CCDC7: variants seen among roughly 807,000 people sequenced by gnomAD.
CCDC7 encodes coiled-coil domain-containing protein 7.
A neutral mutation model predicts 196.9 loss-of-function variants in CCDC7; 183 were observed. That is an observed-to-expected ratio of 0.93 (90% CI 0.82 to 1.05). The LOEUF is 1.05. Among genes scored for constraint, CCDC7 ranks in the 50% least tolerant of loss-of-function variants. The pLI, the probability that CCDC7 is intolerant of heterozygous loss-of-function variation, is 0.00. For missense variants in CCDC7, 1,540 were observed against 1,482.2 expected (o/e 1.04, Z -0.64); for synonymous variants, 525 against 484.6 (o/e 1.08, Z -1.10).
At chr10:32,805,054 G>A (rs368045904) in exon 30 of CCDC7, 13 of 1,612,148 alleles carry the variant, frequency 8.1e-6, no homozygotes, top group Middle Eastern at 1.7e-4. Context: ...TTGGGAAGAC[G>A]CTTATTAAAT....
intron 20 of CCDC7, among the ~76,000 whole-genome samples, chr10:32,652,845 A>G (rs1370294291): frequency 6.6e-6 from 1 of 152,192 alleles, no homozygotes; most frequent in Non-Finnish European, 1.5e-5. Context: ...TACCACAGTT[A>G]CAGTATTAGA....
At position 32,592,401 on chromosome 10, in the gene CCDC7, GTTTT is replaced by G. The variant is rs1564759237; in HGVS notation, c.1801+8101_1801+8104del. Among the ~76,000 whole-genome samples, 4 of 151,610 alleles carry G rather than the reference GTTTT, an allele frequency of 2.6e-5. No homozygotes were observed. In the South Asian group the frequency reaches 8.4e-4, roughly 32 times the overall value. ...TTGGATTTAGGTTGTCCTTTTTCTA[GTTTT>G]TTTAAGGCATAAAGTTAGGTTGTTT... On this transcript the variant is annotated intron_variant, in intron 18 of 41. Transcript: ENST00000639629.
intron 9 of CCDC7, chr10:32,512,902 C>T (rs2046438945): frequency 6.6e-6 from 1 of 152,012 alleles, no homozygotes; most frequent in Admixed American, 6.6e-5. Flanking sequence ...TTTTTGTCTA[C>T]AAAATTTAGA....
chr10:32,881,149 C>T (rs1474446641), downstream of CCDC7, among the ~76,000 whole-genome samples: 2 of 152,060 alleles, frequency 1.3e-5, no homozygotes, highest in African/African-American at 4.8e-5. Flanking sequence ...TGGTGGCTAA[C>T]ATTTTGCACA....
rs180826996 is a variant in CCDC7, at chr10:32,460,721, C to T, written c.457-1962C>T. Among the ~76,000 whole-genome samples, 32 of 152,210 alleles carry T rather than the reference C, an allele frequency of 2.1e-4. No homozygotes were observed. The East Asian group carries it at 2.7e-3, about 13-fold the overall frequency. ...TTCTGAAGGATCTCAGCACTTTTTG[C>T]GTAGATTTATGCTTTCTTATTTAGC... On this transcript the variant is annotated intron_variant, in intron 3 of 41. Coordinates refer to ENST00000639629, the Ensembl canonical transcript of CCDC7.
intron 3 of CCDC7, among the ~76,000 whole-genome samples, chr10:32,461,709 GTATATATATATATATATATATGTA>G (rs1355924571): frequency 3.5e-5 from 2 of 57,482 alleles, no homozygotes; most frequent in African/African-American, 1.6e-4. Context: ...GTGTGTGTGT[GTATATATATATATATATATATGTA>G]TATATATATA....
intron 24 of CCDC7, among the ~76,000 whole-genome samples, chr10:32,706,938 G>C (rs1458482395): frequency 6.6e-6 from 1 of 152,212 alleles, no homozygotes; most frequent in Non-Finnish European, 1.5e-5. Flanking sequence ...CCAATCAGTA[G>C]AAAAAGAGGG....
intron 13 of CCDC7, among the ~76,000 whole-genome samples, chr10:32,564,332 C>A (rs1348275558): frequency 6.6e-6 from 1 of 152,098 alleles, no homozygotes; most frequent in Admixed American, 6.5e-5. Flanking sequence ...AATCATGCTG[C>A]TATAAAGACA....
intron 40 of CCDC7, among the ~76,000 whole-genome samples, chr10:32,852,328 A>G (rs1311030402): frequency 6.6e-6 from 1 of 152,106 alleles, no homozygotes; most frequent in Admixed American, 6.6e-5. Context: ...AAAATAAATC[A>G]TATGTTTAGT....
intron 11 of CCDC7, among the ~76,000 whole-genome samples, chr10:32,529,966 T>A (rs1209723031): frequency 6.6e-6 from 1 of 152,196 alleles, no homozygotes; most frequent in Admixed American, 6.5e-5. Flanking sequence ...AAGATGAGGA[T>A]CCAGTTACAT....
At chr10:32,489,827 G>T (rs1295967782) in intron 8 of CCDC7, among the ~76,000 whole-genome samples, 1 of 152,156 alleles carries the variant, frequency 6.6e-6, no homozygotes, top group Non-Finnish European at 1.5e-5. Context: ...GTTCAAGCCA[G>T]TGCTGGAGCC....
chr10:32,552,203 TG>T (rs1362761820), intron 13 of CCDC7, among the ~76,000 whole-genome samples: 1 of 152,222 alleles, frequency 6.6e-6, no homozygotes, highest in East Asian at 1.9e-4. Flanking sequence ...GTTTGTCTGA[TG>T]TAAGAATAGC....
At chr10:32,512,703 T>C (rs2046404556) in intron 9 of CCDC7, 1 of 152,158 alleles carries the variant, frequency 6.6e-6, no homozygotes, top group Admixed American at 6.5e-5. Flanking sequence ...GAGAAAAGAT[T>C]TGTGCTCATA....
At chr10:32,564,988 A>G (rs2056544608) in intron 13 of CCDC7, among the ~76,000 whole-genome samples, 1 of 152,130 alleles carries the variant, frequency 6.6e-6, no homozygotes, top group Admixed American at 6.5e-5. Context: ...TAAAAAGAAA[A>G]TAAAATAAGT....
chr10:32,712,365 C>A (rs1046713550), intron 25 of CCDC7, among the ~76,000 whole-genome samples: 1 of 152,190 alleles, frequency 6.6e-6, no homozygotes, highest in African/African-American at 2.4e-5. Context: ...ATAGCCTTTA[C>A]AGATTACACC....
chr10:32,616,098 C>CT, intron 18 of CCDC7, among the ~76,000 whole-genome samples: 1 of 152,150 alleles, frequency 6.6e-6, no homozygotes. Context: ...AATGTGATGC[C>CT]TCCAGCTTTG....
At chr10:32,776,527 T>TTTTTC (rs1489408350) in intron 28 of CCDC7, among the ~76,000 whole-genome samples, 1 of 152,192 alleles carries the variant, frequency 6.6e-6, no homozygotes, top group Non-Finnish European at 1.5e-5. Flanking sequence ...GAAGAATCAA[T>TTTTTC]TCATTCCAGG....
intron 18 of CCDC7, among the ~76,000 whole-genome samples, chr10:32,610,362 C>T (rs1050385425): frequency 2.6e-5 from 4 of 152,264 alleles, no homozygotes; most frequent in Middle Eastern, 3.4e-3. Flanking sequence ...CCTCGGCCTC[C>T]CAAAGTGCTG....
chr10:32,505,166 ATTTT>A (rs1412362598), intron 9 of CCDC7, among the ~76,000 whole-genome samples: 3 of 142,790 alleles, frequency 2.1e-5, no homozygotes, highest in African/African-American at 7.6e-5. Flanking sequence ...TGCCCAGCTA[ATTTT>A]TATTTATTTA....
Sources: allele counts gnomAD v4.1 joint callset (sites outside exome capture counted in the v4.1 genomes callset), GRCh38; gene constraint gnomAD v4.1.1; transcripts MANE v1.5; gene names NCBI Gene and HGNC (gene_info 2026-07-23, HGNC 2026-07-21).